Variants in DAPK2 observed in about 807,000 individuals in gnomAD.
DAPK2 encodes death associated protein kinase 2.
A neutral mutation model predicts 44.1 loss-of-function variants in DAPK2; 35 were observed. The ratio of observed to expected loss-of-function variants is 0.79; its 90% CI spans 0.61 to 1.05. The LOEUF (loss-of-function observed/expected upper bound fraction) is 1.05, where lower values mean the gene tolerates loss of function less well. Ranked by LOEUF, DAPK2 falls within the 50% of genes least tolerant of loss-of-function variation. DAPK2 has a pLI of 0.00. For synonymous variants in DAPK2, 174 were observed against 182.6 expected (o/e 0.95, Z 0.38); for missense variants, 453 against 483.2 (o/e 0.94, Z 0.59).
intron 1 of DAPK2, among the ~76,000 whole-genome samples, chr15:63,998,087 G>T (rs773259215): frequency 1.3e-5 from 2 of 152,208 alleles, no homozygotes; most frequent in Non-Finnish European, 2.9e-5. Context: ...AGGAATTTGA[G>T]AATTGGGAGA....
At chr15:63,992,590 T>C (rs1567258678) in intron 1 of DAPK2, among the ~76,000 whole-genome samples, 1 of 152,164 alleles carries the variant, frequency 6.6e-6, no homozygotes, top group Non-Finnish European at 1.5e-5. Context: ...CAGGGAGTGA[T>C]ACACAAGCAC....
chr15:64,044,383 AG>A (rs2080413458), upstream of DAPK2, among the ~76,000 whole-genome samples: 1 of 152,232 alleles, frequency 6.6e-6, no homozygotes, highest in Admixed American at 6.5e-5. Flanking sequence ...CAGGATCACC[AG>A]GGTGAGAAGG....
intron 1 of DAPK2, among the ~76,000 whole-genome samples, chr15:63,995,505 G>A (rs574900032): frequency 1.8e-4 from 27 of 152,122 alleles, no homozygotes; most frequent in African/African-American, 2.9e-4. Flanking sequence ...CCTTCACTTC[G>A]CCTGCCTGTT....
In DAPK2 at chr15:63,911,907, C is replaced by T. The variant is rs777797844; in HGVS notation, c.1032+1G>A. ...CAAGAAGAGGGCATGCATTTACCCA[C>T]CAGGTCCTCATCCGGCCTCAGGTGC... On this transcript the variant is annotated splice_donor_variant, in intron 10 of 10. Transcript: ENST00000261891. LOFTEE classifies it high-confidence loss of function. 5.5e-5 allele frequency: 89 copies of T among 1,613,144 alleles called. No individual in the cohort carries two copies. Among genetic ancestry groups the T allele is most frequent in the Non-Finnish European group, 7.3e-5 (86 of 1,179,722 alleles).
At chr15:63,926,178 A>C in intron 6 of DAPK2, 85 bp from the exon 8 acceptor site, 3 of 1,472,172 alleles carry the variant, frequency 2.0e-6, no homozygotes, top group Non-Finnish European at 1.8e-6. Flanking sequence ...CTGCCCCATG[A>C]CTGCTGCAGG....
chr15:63,924,558 G>C (rs960193429), intron 8 of DAPK2: 1 of 463,282 alleles, frequency 2.2e-6, no homozygotes, highest in Middle Eastern at 5.8e-4. Flanking sequence ...AAAGAAAAAG[G>C]GTTTCAACTG....
intron 1 of DAPK2, chr15:63,991,129 C>T (rs1326886838): frequency 4.8e-6 from 2 of 416,430 alleles, no homozygotes; most frequent in Non-Finnish European, 4.8e-6. Flanking sequence ...ATTCAGGAAA[C>T]CAAAACAGAG....
intron 3 of DAPK2, among the ~76,000 whole-genome samples, chr15:63,967,353 T>C (rs764004338): frequency 6.6e-6 from 1 of 152,206 alleles, no homozygotes; most frequent in Non-Finnish European, 1.5e-5. Flanking sequence ...CATCTTGCTC[T>C]GTCTCCTGTT....
At chr15:64,018,722 C>T (rs554827187) in intron 1 of DAPK2, among the ~76,000 whole-genome samples, 1 of 152,312 alleles carries the variant, frequency 6.6e-6, no homozygotes, top group Admixed American at 6.5e-5. Flanking sequence ...AGCTTTTACA[C>T]CTGGGGCTGC....
chr15:63,952,520 G>C (rs2140539961), intron 3 of DAPK2, among the ~76,000 whole-genome samples: 1 of 152,250 alleles, frequency 6.6e-6, no homozygotes, highest in Admixed American at 6.5e-5. Context: ...CAGTGGATGA[G>C]GACAGAAATA....
At chr15:63,988,590 C>T (rs2078728707) in intron 1 of DAPK2, among the ~76,000 whole-genome samples, 1 of 151,532 alleles carries the variant, frequency 6.6e-6, no homozygotes, top group African/African-American at 2.4e-5. Flanking sequence ...CTGCAAGCTC[C>T]ACCTCCTGGG....
chr15:63,996,655 C>T (rs2078955793), intron 1 of DAPK2, among the ~76,000 whole-genome samples: 1 of 152,130 alleles, frequency 6.6e-6, no homozygotes, highest in South Asian at 2.1e-4. Context: ...ATCACTGCAG[C>T]GTTCACTCCA....
chr15:63,966,532 T>A lies in DAPK2; in HGVS notation c.453+4891A>T, dbSNP rs1308258701. ...GAATTGCAGTCCTTGTGGCCTAGAC[T>A]TCCGTTCAAGTTTACTTAGAAACCC... is the stretch of plus-strand genomic sequence containing the variant. On this transcript the variant is annotated intron_variant, in intron 3 of 10. Transcript: ENST00000261891. The surrounding 1 kb of genome is among the most constrained non-coding windows in gnomAD (Gnocchi z 5.5). Among the ~76,000 whole-genome samples, 3 of 152,190 alleles carry A rather than the reference T, an allele frequency of 2.0e-5. No homozygotes were observed. Among genetic ancestry groups the A allele is most frequent in the African/African-American group, 7.2e-5 (3 of 41,438 alleles).
At chr15:63,920,065 A>G (rs906403051) in intron 8 of DAPK2, 10 of 152,144 alleles carry the variant, frequency 6.6e-5, no homozygotes, top group Admixed American at 1.3e-4. Context: ...CAAGATATAC[A>G]TTTTTGGATC....
chr15:63,916,868 G>A lies in DAPK2; in HGVS notation c.859-4671C>T, dbSNP rs1200625751. 1.3e-5 allele frequency: 2 copies of A among 152,188 alleles called. No homozygotes were observed. The highest frequency in any genetic ancestry group is 4.8e-5 in the African/African-American group (2 of 41,438). The allele number at this position is 152,188 out of a possible 1,614,324, so 9.4% of individuals were successfully genotyped here. ...CTTCAAAGGTTCTTCCTTTTGTACT[G>A]TTATAAAACCCAAGAGACTTGAGAG... On this transcript the variant is annotated intron_variant, in intron 8 of 10. Coordinates refer to ENST00000261891, the Ensembl canonical transcript of DAPK2. This position sits in a 1 kb window ranked among gnomAD's most constrained non-coding sequence, Gnocchi z 4.7.
At position 64,000,391 on chromosome 15, in the gene DAPK2, C is replaced by A. The variant is rs540215293; in HGVS notation, c.93-16637G>T. Among the ~76,000 whole-genome samples, 4 of 152,248 alleles carry A rather than the reference C, an allele frequency of 2.6e-5. No individual in the cohort carries two copies. In the East Asian group the frequency reaches 7.7e-4, roughly 29 times the overall value. On this transcript the variant is annotated intron_variant, in intron 1 of 10. Transcript: ENST00000261891. ...GCATACCTGGACTTTGTCCCCACAC[C>A]CAGACTCCTGAGATGTCACCATCTA...
intron 1 of DAPK2, among the ~76,000 whole-genome samples, chr15:64,014,128 G>A (rs1387093394): frequency 6.6e-6 from 1 of 152,158 alleles, no homozygotes; most frequent in African/African-American, 2.4e-5. Flanking sequence ...TGGGAAATGG[G>A]GTTATCACAG....
upstream of DAPK2, among the ~76,000 whole-genome samples, chr15:64,044,593 T>G (rs1042987827): frequency 2.0e-5 from 3 of 152,152 alleles, no homozygotes; most frequent in Non-Finnish European, 4.4e-5. Context: ...TCCCAGGGCT[T>G]CTTCTGTTGA....
chr15:64,015,471 T>C (rs2079499590), intron 1 of DAPK2, among the ~76,000 whole-genome samples: 2 of 152,068 alleles, frequency 1.3e-5, no homozygotes, highest in African/African-American at 2.4e-5. Flanking sequence ...CCCCCAAAGT[T>C]CTCATGCAAC....
Sources: allele counts gnomAD v4.1 joint callset (sites outside exome capture counted in the v4.1 genomes callset), GRCh38; gene constraint gnomAD v4.1.1; non-coding constraint Gnocchi (gnomAD v3.1); transcripts MANE v1.5; gene names NCBI Gene and HGNC (gene_info 2026-07-23, HGNC 2026-07-21).